The following ROCK1 variants were observed in gnomAD, a reference collection of about 807,000 sequenced individuals.
The protein encoded by ROCK1 is rho-associated protein kinase 1.
In ROCK1, 36 loss-of-function variants were observed where a neutral mutation model predicts 196.8. The ratio of observed to expected loss-of-function variants is 0.18; its 90% CI spans 0.14 to 0.24. The LOEUF is 0.24. ROCK1 is among the 10% of genes least tolerant of loss of function. The probability of loss-of-function intolerance (pLI) is 1.00; values close to 1 mark genes in which losing one functional copy is unlikely to be tolerated. For synonymous variants in ROCK1, 443 were observed against 515.9 expected (o/e 0.86, Z 1.91); for missense variants, 920 against 1,562.0 (o/e 0.59, Z 6.93).
chr18:21,020,402 CT>C, intron 11 of ROCK1, among the ~76,000 whole-genome samples, 163 bp from the exon 12 acceptor site: 1 of 152,246 alleles, frequency 6.6e-6, no homozygotes, highest in African/African-American at 2.4e-5. Flanking sequence ...CAAGCACTTT[CT>C]TAACATTTAC....
rs2035158665 is a variant in ROCK1 at position 20,949,236 on chromosome 18, C to A, written c.*2148G>T. ...AAAATATTAGGTAATGGTGATGAGT[C>A]TGAGAAGGTAGTAAGGACACCGTCA... On this transcript the variant is annotated 3_prime_UTR_variant, in exon 33 of 33. Coordinates refer to ENST00000399799, the MANE Select transcript of ROCK1 (RefSeq NM_005406.3). The A allele has an allele frequency of 6.6e-6, 1 of 152,106 alleles. No individual in the cohort carries two copies. Among genetic ancestry groups the A allele is most frequent in the East Asian group, 1.9e-4 (1 of 5,174 alleles). The allele number at this position is 152,106 out of a possible 1,614,324, so 9.4% of individuals were successfully genotyped here. A position where few individuals can be genotyped will look rare whatever the true frequency, so the allele number is the denominator to read the frequency against.
At chr18:20,997,829 C>G (rs1395885231) in intron 16 of ROCK1, among the ~76,000 whole-genome samples, 1 of 144,374 alleles carries the variant, frequency 6.9e-6, no homozygotes, top group Non-Finnish European at 1.5e-5. Context: ...AAATCAACAA[C>G]AAGTGGATTT....
intron 1 of ROCK1, among the ~76,000 whole-genome samples, chr18:21,077,269 G>A (rs1209525812): frequency 5.9e-5 from 9 of 152,086 alleles, no homozygotes; most frequent in African/African-American, 1.7e-4. Context: ...CACCGCGCCC[G>A]GCCAAGGACA....
intron 27 of ROCK1, among the ~76,000 whole-genome samples, chr18:20,962,646 T>C (rs932090626): frequency 2.6e-5 from 4 of 152,174 alleles, no homozygotes; most frequent in Admixed American, 1.3e-4. Flanking sequence ...GGGAATCTTA[T>C]GAGTCAAATA....
chr18:20,977,220 CCT>C, intron 22 of ROCK1, among the ~76,000 whole-genome samples: 1 of 152,122 alleles, frequency 6.6e-6, no homozygotes, highest in Non-Finnish European at 1.5e-5. Flanking sequence ...TCTGAAAGTC[CCT>C]GATTGGAGTG....
At chr18:21,009,403 C>G (rs1440196757) in intron 13 of ROCK1, among the ~76,000 whole-genome samples, 14 of 151,702 alleles carry the variant, frequency 9.2e-5, no homozygotes, top group Non-Finnish European at 2.1e-4. Flanking sequence ...CTTCTTGTGG[C>G]TGAGTATTCC....
At chr18:20,973,898 A>C (rs1161589833) in intron 22 of ROCK1, among the ~76,000 whole-genome samples, 2 of 149,764 alleles carry the variant, frequency 1.3e-5, no homozygotes, top group African/African-American at 4.9e-5. Context: ...CTCCTGCCTC[A>C]GCCTCCCGAG....
chr18:21,066,459 G>A (rs1371726385), intron 2 of ROCK1, among the ~76,000 whole-genome samples: 1 of 152,100 alleles, frequency 6.6e-6, no homozygotes, highest in East Asian at 1.9e-4. Flanking sequence ...TTAAGGTTGA[G>A]TTTGTTAATA....
intron 1 of ROCK1, among the ~76,000 whole-genome samples, chr18:21,078,373 C>CAGAG (rs796701748): frequency 3.3e-4 from 22 of 66,222 alleles, no homozygotes; most frequent in African/African-American, 6.8e-4. Context: ...CACACACACA[C>CAGAG]AGAGAGAGAG....
chr18:20,968,001 ATT>A, intron 25 of ROCK1, 61 bp from the exon 26 acceptor site: 1 of 1,274,832 alleles, frequency 7.8e-7, no homozygotes. Flanking sequence ...ACTAAAATGT[ATT>A]TTTTTCTTCA....
Position 21,084,610 on chromosome 18 carries a change from T to A in ROCK1, c.94-13997A>T, listed in dbSNP as rs147988538. ...TTTTAAAAAATCAGAAAAGAACAAG[T>A]GTTAGAATGAAACTGGAATGAAACG... On this transcript the variant is annotated intron_variant, in intron 1 of 32. Coordinates refer to ENST00000399799, the MANE Select transcript of ROCK1 (RefSeq NM_005406.3). Among the ~76,000 whole-genome samples, 10 of 152,242 alleles carry A rather than the reference T, an allele frequency of 6.6e-5. No homozygotes were observed. The East Asian group carries it at 1.9e-3, about 29-fold the overall frequency.
intron 22 of ROCK1, among the ~76,000 whole-genome samples, chr18:20,970,814 A>G (rs1368610893): frequency 1.3e-5 from 2 of 152,180 alleles, no homozygotes; most frequent in African/African-American, 4.8e-5. Flanking sequence ...TTGGAATGGA[A>G]GGCAGCGTGG....
At chr18:21,027,431 A>C (rs2035968201) in intron 10 of ROCK1, among the ~76,000 whole-genome samples, 1 of 152,200 alleles carries the variant, frequency 6.6e-6, no homozygotes, top group Non-Finnish European at 1.5e-5. Context: ...CAGCACACTA[A>C]AATAATGTTA....
intron 1 of ROCK1, among the ~76,000 whole-genome samples, chr18:21,110,269 T>G (rs1489392858): frequency 1.3e-5 from 2 of 152,162 alleles, no homozygotes; most frequent in East Asian, 3.8e-4. Context: ...ATTATCTTGG[T>G]TTTTTACAAT....
chr18:21,071,595 G>A (rs1029885862), intron 1 of ROCK1, among the ~76,000 whole-genome samples: 4 of 152,142 alleles, frequency 2.6e-5, no homozygotes, highest in African/African-American at 9.7e-5. Context: ...CCTGCTGCAT[G>A]GCAGGAACTG....
chr18:20,992,067 C>G (rs2143409465), intron 17 of ROCK1, among the ~76,000 whole-genome samples: 1 of 152,238 alleles, frequency 6.6e-6, no homozygotes, highest in East Asian at 1.9e-4. Context: ...TATCCTGTGG[C>G]AAGTCATTGA....
Position 20,950,536 on chromosome 18 carries a change from GT to G in ROCK1, c.*847del, listed in dbSNP as rs2035176467. The stretch of plus-strand genomic sequence containing the variant: ...CAGTGCATACATTTCTTATATGTTT[GT>G]TAACTTAATGTCTTTATCATTTAAA... On this transcript the variant is annotated 3_prime_UTR_variant, in exon 33 of 33. Transcript: ENST00000399799. The G allele has an allele frequency of 6.6e-6, 1 of 151,856 alleles. No individual in the cohort carries two copies. The highest frequency in any genetic ancestry group is 1.5e-5 in the Non-Finnish European group (1 of 67,856). 9.4% of individuals were successfully genotyped at this position (151,856 alleles called of 1,614,324 possible). A position where few individuals can be genotyped will look rare whatever the true frequency, so the allele number is the denominator to read the frequency against.
At chr18:20,979,719 GTGT>G (rs2035513013) in intron 22 of ROCK1, among the ~76,000 whole-genome samples, 188 bp downstream of exon 22, 3 of 152,072 alleles carry the variant, frequency 2.0e-5, no homozygotes. Context: ...AATTGGTACA[GTGT>G]TGATTTATAG....
At chr18:21,003,635 G>A (rs1264827919) in intron 16 of ROCK1, among the ~76,000 whole-genome samples, 1 of 152,126 alleles carries the variant, frequency 6.6e-6, no homozygotes, top group East Asian at 1.9e-4. Flanking sequence ...GGAAGGGGAG[G>A]TGGAGGTACA....
Sources: allele counts gnomAD v4.1 joint callset (sites outside exome capture counted in the v4.1 genomes callset), GRCh38; gene constraint gnomAD v4.1.1; transcripts MANE v1.5; gene names NCBI Gene and HGNC (gene_info 2026-07-23, HGNC 2026-07-21).